The following EPHX1 variants were observed in gnomAD, a reference collection of about 807,000 sequenced individuals.
EPHX1 encodes the protein epoxide hydratase.
Under a neutral mutation model 43.2 loss-of-function variants are expected in EPHX1, and 40 were observed. That is an observed-to-expected ratio of 0.93 (90% CI 0.72 to 1.21). The LOEUF is 1.21. EPHX1 is among the 50% of genes most tolerant of loss of function. EPHX1 has a pLI of 0.00. For synonymous variants in EPHX1, 221 were observed against 226.7 expected (o/e 0.98, Z 0.22); for missense variants, 550 against 570.4 (o/e 0.96, Z 0.36).
At chr1:225,843,906 C>T (rs1424647654) in intron 7 of EPHX1, among the ~76,000 whole-genome samples, 1 of 152,092 alleles carries the variant, frequency 6.6e-6, no homozygotes, top group Admixed American at 6.5e-5. Flanking sequence ...TATCTCTGTC[C>T]CTGCTCCCTG....
intron 1 of EPHX1, among the ~76,000 whole-genome samples, chr1:225,814,730 G>A (rs557431309): frequency 6.6e-6 from 1 of 152,374 alleles, no homozygotes; most frequent in East Asian, 1.9e-4. Context: ...CACCACCTCA[G>A]CTTGTCCTCT....
chr1:225,811,540 C>A (rs927224084), intron 1 of EPHX1, among the ~76,000 whole-genome samples: 1 of 152,134 alleles, frequency 6.6e-6, no homozygotes, highest in South Asian at 2.1e-4. Context: ...TTGTTGAGGA[C>A]CTTGGGGTTG....
chr1:225,839,758 C>T, intron 5 of EPHX1, 71 bp from the exon 6 acceptor site: 1 of 1,514,620 alleles, frequency 6.6e-7, no homozygotes, highest in East Asian at 2.3e-5. Flanking sequence ...GCCTGTTCCT[C>T]CGCCATCTCT....
In EPHX1 at chr1:225,836,434, A is replaced by C. The variant is rs138071937; in HGVS notation, c.365-2220A>C. On this transcript the variant is annotated intron_variant, in intron 3 of 8. Transcript: ENST00000272167. ...CATAGCGAGACCCCTTCTCTACAAA[A>C]AAAAATAACAAAAATAGGCTAGACA... 3.8e-3 allele frequency among the ~76,000 whole-genome samples: 574 copies of C among 152,250 alleles called. 4 individuals carry two copies. Among genetic ancestry groups the C allele is most frequent in the African/African-American group, 0.013 (539 of 41,540 alleles).
intron 1 of EPHX1, among the ~76,000 whole-genome samples, chr1:225,821,073 T>G (rs1311725171): frequency 6.6e-6 from 1 of 152,152 alleles, no homozygotes; most frequent in Non-Finnish European, 1.5e-5. Context: ...AAAAACCACA[T>G]TCAAATAACA....
Position 225,839,815 on chromosome 1 carries a change from C to G in EPHX1, c.723-14C>G. On this transcript the variant is annotated splice_polypyrimidine_tract_variant and intron_variant, in intron 5 of 8. Coordinates refer to ENST00000272167, the MANE Select transcript of EPHX1 (RefSeq NM_001136018.4). ...CCAGCCCAGCCTCACCCCGGCCCCT[C>G]TCTCTGCCTTCAGCCACGTGAAAGG... 6.2e-7 allele frequency: 1 copy of G among 1,613,168 alleles called. No individual in the cohort carries two copies. The highest frequency in any genetic ancestry group is 8.5e-7 in the Non-Finnish European group (1 of 1,179,786).
chr1:225,832,133 A>T, intron 3 of EPHX1, 174 bp downstream of exon 3: 1 of 708,838 alleles, frequency 1.4e-6, no homozygotes, highest in Non-Finnish European at 2.5e-6. Flanking sequence ...AGTCACAACA[A>T]ATCTGTCCAT....
chr1:225,824,664 G>A (rs1302765775), intron 1 of EPHX1, among the ~76,000 whole-genome samples: 1 of 152,220 alleles, frequency 6.6e-6, no homozygotes, highest in Non-Finnish European at 1.5e-5. Flanking sequence ...TGCCTGGCCA[G>A]CTCTCCGACA....
At chr1:225,829,639 T>G (rs1002287878) in intron 2 of EPHX1, among the ~76,000 whole-genome samples, 3 of 152,152 alleles carry the variant, frequency 2.0e-5, no homozygotes, top group African/African-American at 7.2e-5. Flanking sequence ...TGCCAATCCT[T>G]TCTTTCATTC....
intron 1 of EPHX1, among the ~76,000 whole-genome samples, chr1:225,821,554 A>G (rs915983195): frequency 3.1e-5 from 3 of 95,328 alleles, no homozygotes; most frequent in African/African-American, 1.2e-4. Flanking sequence ...CCTGTTTTTC[A>G]TTTTTTGGTT....
intron 1 of EPHX1, among the ~76,000 whole-genome samples, chr1:225,816,639 G>A (rs913465024): frequency 2.0e-5 from 3 of 152,168 alleles, no homozygotes; most frequent in Non-Finnish European, 2.9e-5. Context: ...TCCCCTCTCC[G>A]AAGGTGCACA....
chr1:225,839,952 G>C lies in EPHX1; in HGVS notation c.846G>C (p.Leu282=), dbSNP rs762864405. 3.1e-6 allele frequency: 5 copies of C among 1,614,122 alleles called. No homozygotes were observed. The East Asian group carries it at 1.1e-4, about 36-fold the overall frequency. ...TCACTGAGAGGGATGTGGAGCTGCT[G>C]TACCCCGTCAAGGAGAAGGTATTCT... The part of the protein sequence containing the change: ...LGLTERDVEL[L]YPVKEKVFYS... The change falls in exon 6 of 9, where the codon CTG becomes CTC. Residue 282 remains leucine, a synonymous_variant. Coordinates refer to ENST00000272167, the MANE Select transcript of EPHX1 (RefSeq NM_001136018.4).
At chr1:225,818,405 G>A (rs74879447) in intron 1 of EPHX1, among the ~76,000 whole-genome samples, 1,788 of 152,250 alleles carry the variant, frequency 0.012, 41 homozygotes, top group African/African-American at 0.04. Flanking sequence ...CGAAGGCTAG[G>A]ACTGAGAGAT....
rs748522239 is a variant in EPHX1, at chr1:225,839,307, G to C, written c.683G>C (p.Gly228Ala). ...TTCTACATTCAAGGAGGGGACTGGG[G>C]GTCCCTGATCTGCACTAATATGGCC... ...QEFYIQGGDW[G>A]SLICTNMAQL... Residue 228 changes from glycine to alanine, a missense_variant, in exon 5 of 9, where the codon GGG becomes GCG. Physicochemically the swap from Gly to Ala is moderately conservative, Grantham distance 60. Coordinates refer to ENST00000272167, the MANE Select transcript of EPHX1 (RefSeq NM_001136018.4). The C allele has an allele frequency of 1.2e-5, 20 of 1,614,024 alleles. No individual in the cohort carries two copies. The highest frequency in any genetic ancestry group is 1.7e-5 in the Non-Finnish European group (20 of 1,180,008).
At chr1:225,843,669 G>T (rs1426039778) in intron 7 of EPHX1, among the ~76,000 whole-genome samples, 1 of 152,202 alleles carries the variant, frequency 6.6e-6, no homozygotes, top group African/African-American at 2.4e-5. Context: ...TCCCTGAGCA[G>T]GAGGTAGACA....
chr1:225,818,393 G>A (rs1418506214), intron 1 of EPHX1, among the ~76,000 whole-genome samples: 2 of 152,138 alleles, frequency 1.3e-5, no homozygotes, highest in African/African-American at 4.8e-5. Context: ...ATGTGAGCTC[G>A]ACGAAGGCTA....
intron 1 of EPHX1, among the ~76,000 whole-genome samples, chr1:225,827,999 C>T (rs1017029847): frequency 2.6e-5 from 4 of 152,146 alleles, no homozygotes; most frequent in African/African-American, 9.7e-5. Context: ...TGCTCCTCTC[C>T]CCTGGGGGAG....
chr1:225,836,866 A>G (rs1483941922), intron 3 of EPHX1, among the ~76,000 whole-genome samples: 1 of 152,236 alleles, frequency 6.6e-6, no homozygotes, highest in Non-Finnish European at 1.5e-5. Context: ...GATGGGCTGT[A>G]CAGCAGAGCG....
In EPHX1 at chr1:225,845,381, C is replaced by CA. The variant is rs1224353992; in HGVS notation, c.*35dup. 3.2e-6 allele frequency: 5 copies of CA among 1,542,698 alleles called. No individual in the cohort carries two copies. Among genetic ancestry groups the CA allele is most frequent in the Admixed American group, 1.9e-5 (1 of 51,440 alleles). ...TCTCCCCCCGCCTGCCACCTCCCCCCACAAGTGCCCTCCAGGCTTTTCTTG... is the reference window on the plus strand; with the variant it reads ...TCTCCCCCCGCCTGCCACCTCCCCCCAACAAGTGCCCTCCAGGCTTTTCTTG... On this transcript the variant is annotated 3_prime_UTR_variant, in exon 9 of 9. Coordinates refer to ENST00000272167, the MANE Select transcript of EPHX1 (RefSeq NM_001136018.4).
Sources: gnomAD v4.1 joint callset for allele counts (sites outside exome capture counted in the v4.1 genomes callset) on GRCh38, gnomAD v4.1.1 for gene constraint, MANE v1.5 for transcripts, NCBI Gene and HGNC (gene_info 2026-07-23, HGNC 2026-07-21) for gene names.